Variants in IRAK1BP1 observed in about 807,000 individuals in gnomAD.
IRAK1BP1 encodes interleukin-1 receptor-associated kinase 1-binding protein 1.
IRAK1BP1 carries 24 observed loss-of-function variants against 28.0 expected under a neutral mutation model. The ratio of observed to expected loss-of-function variants is 0.86; its 90% CI spans 0.62 to 1.20. The LOEUF is 1.20. Among genes scored for constraint, IRAK1BP1 ranks in the 50% most tolerant of loss-of-function variants. The pLI is 0.00. For missense variants in IRAK1BP1, 336 were observed against 316.7 expected, an observed-to-expected ratio of 1.06 and a Z score of -0.46; for synonymous variants, 131 against 116.3, an observed-to-expected ratio of 1.13 and a Z score of -0.81.
At chr6:78,896,845 A>G (rs1771903130) in intron 2 of IRAK1BP1, among the ~76,000 whole-genome samples, 1 of 151,344 alleles carries the variant, frequency 6.6e-6, no homozygotes, top group South Asian at 2.1e-4. Context: ...AAAAATTATG[A>G]TTAAAGACAG....
In IRAK1BP1 at chr6:78,885,425, T is replaced by C; in HGVS notation, c.363T>C (p.Ala121=). Residue 121 remains alanine (A), a synonymous_variant, in exon 2 of 4, where the codon GCT becomes GCC. Coordinates refer to ENST00000369940, the MANE Select transcript of IRAK1BP1 (RefSeq NM_001010844.4). ...VTKDFRRVEN[A]YHMEAEVCIT... ...AGGATTTTAGGAGAGTGGAAAATGC[T>C]TATCACATGGAAGCAGAGGTATGTA... 6.4e-6 allele frequency: 10 copies of C among 1,559,624 alleles called. No individual in the cohort carries two copies. Among genetic ancestry groups the C allele is most frequent in the Non-Finnish European group, 8.7e-6 (10 of 1,148,358 alleles).
Position 78,870,109 on chromosome 6 carries a change from CAAAAAAAAAAAAAAAAA to C in IRAK1BP1, c.315+2233_315+2249del, listed in dbSNP as rs70977749. 1.8e-3 allele frequency among the ~76,000 whole-genome samples: 75 copies of C among 41,566 alleles called. 3 individuals are homozygous for C. The East Asian group carries it at 0.056, about 31-fold the overall frequency. 27.3% of individuals were successfully genotyped at this position (41,566 alleles called of 152,430 possible). A position where few individuals can be genotyped will look rare whatever the true frequency, so the allele number is the denominator to read the frequency against. On this transcript the variant is annotated intron_variant, in intron 1 of 3. Transcript: ENST00000369940. Reference sequence around the variant, plus strand: ...GGGCAACAAGAGTGAAACTCCGTCCCAAAAAAAAAAAAAAAAAAAAAAAAAAAAAAAGATGGAGCCTG... The same window carrying C: ...GGGCAACAAGAGTGAAACTCCGTCCCAAAAAAAAAAAAAAGATGGAGCCTG...
chr6:78,872,760 C>T (rs1770835404), intron 1 of IRAK1BP1, among the ~76,000 whole-genome samples: 1 of 152,100 alleles, frequency 6.6e-6, no homozygotes, highest in South Asian at 2.1e-4. Flanking sequence ...TAAAAATATA[C>T]GTTTACATCT....
intron 2 of IRAK1BP1, among the ~76,000 whole-genome samples, chr6:78,894,817 A>G (rs986937128): frequency 3.2e-4 from 48 of 152,132 alleles, no homozygotes; most frequent in African/African-American, 1.1e-3. Context: ...TGTGTCATAT[A>G]AAAGTATTTG....
At chr6:78,925,385 G>A (rs904281751) in intron 4 of IRAK1BP1, among the ~76,000 whole-genome samples, 8 of 151,808 alleles carry the variant, frequency 5.3e-5, no homozygotes, top group Non-Finnish European at 7.4e-5. Context: ...AGACATGAAC[G>A]GACACTTCTC....
downstream of IRAK1BP1, among the ~76,000 whole-genome samples, chr6:78,949,676 CTCT>C (rs953776743): frequency 1.3e-5 from 2 of 151,754 alleles, no homozygotes; most frequent in Non-Finnish European, 2.9e-5. Flanking sequence ...TTTTCTGGGA[CTCT>C]TTTTTACTTT....
At chr6:78,963,214 T>C in the IRAK1BP1 span, 1 of 1,608,524 alleles carries the variant, frequency 6.2e-7, no homozygotes, top group Non-Finnish European at 8.5e-7. Context: ...TCACCATCAG[T>C]TAAAGGAACA....
chr6:78,914,935 C>T (rs1293571913), intron 4 of IRAK1BP1, among the ~76,000 whole-genome samples: 8 of 152,274 alleles, frequency 5.3e-5, no homozygotes, highest in Non-Finnish European at 1.0e-4. Flanking sequence ...ATTCTTCTGC[C>T]TCAGCCTCCC....
chr6:78,962,988 C>T, the IRAK1BP1 span: 1 of 843,454 alleles, frequency 1.2e-6, no homozygotes. Flanking sequence ...TGTCTGAAAC[C>T]ACTGACTTAG....
chr6:78,904,047 G>A (rs1384429210), downstream of IRAK1BP1, among the ~76,000 whole-genome samples: 1 of 152,150 alleles, frequency 6.6e-6, no homozygotes, highest in Admixed American at 6.5e-5. Flanking sequence ...GTGAGGTATC[G>A]TGCTTTATTC....
chr6:78,913,735 T>C (rs1772485087), intron 4 of IRAK1BP1, among the ~76,000 whole-genome samples: 1 of 152,234 alleles, frequency 6.6e-6, no homozygotes, highest in Non-Finnish European at 1.5e-5. Context: ...AATGGCTATT[T>C]ACAGTGAAAC....
intron 4 of IRAK1BP1, chr6:78,936,878 CA>C (rs1474261926): frequency 1.3e-5 from 2 of 151,698 alleles, no homozygotes; most frequent in Admixed American, 1.3e-4. Context: ...AATTTTAGTT[CA>C]GATCACTTGG....
chr6:78,963,295 T>C, the IRAK1BP1 span: 5 of 1,506,530 alleles, frequency 3.3e-6, no homozygotes, highest in Non-Finnish European at 4.5e-6. Context: ...TGGTAACTTA[T>C]TAGTATTCAG....
chr6:78,972,696 G>C, the IRAK1BP1 span, among the ~76,000 whole-genome samples: 3 of 152,326 alleles, frequency 2.0e-5, no homozygotes, highest in East Asian at 5.8e-4. Flanking sequence ...AGCTGATAGA[G>C]CTGAAAACCA....
chr6:78,957,613 T>C, the IRAK1BP1 span: 4 of 151,830 alleles, frequency 2.6e-5, no homozygotes, highest in African/African-American at 4.8e-5. Flanking sequence ...ATCCTGAATT[T>C]TTCATTATGT....
At chr6:78,928,761 T>C (rs1471778697) in intron 4 of IRAK1BP1, among the ~76,000 whole-genome samples, 1 of 152,214 alleles carries the variant, frequency 6.6e-6, no homozygotes, top group Non-Finnish European at 1.5e-5. Context: ...TTTTTCGGCA[T>C]CAATTGAAAT....
At chr6:78,973,028 G>A in the IRAK1BP1 span, among the ~76,000 whole-genome samples, 3 of 152,030 alleles carry the variant, frequency 2.0e-5, no homozygotes, top group African/African-American at 4.8e-5. Context: ...TACAGAGAAC[G>A]CCATAAAGAT....
intron 4 of IRAK1BP1, among the ~76,000 whole-genome samples, chr6:78,919,023 A>C (rs1312433859): frequency 6.6e-6 from 1 of 152,358 alleles, no homozygotes; most frequent in Admixed American, 6.5e-5. Context: ...CAGTGGAATA[A>C]AAATAGAAAT....
chr6:78,954,790 G>A, the IRAK1BP1 span: 2 of 1,528,938 alleles, frequency 1.3e-6, no homozygotes, highest in East Asian at 2.4e-5. Flanking sequence ...GACAGGTAAA[G>A]AAAATATTTT....
Sources: gnomAD v4.1 joint callset for allele counts (sites outside exome capture counted in the v4.1 genomes callset) on GRCh38, gnomAD v4.1.1 for gene constraint, MANE v1.5 for transcripts, NCBI Gene and HGNC (gene_info 2026-07-23, HGNC 2026-07-21) for gene names.